Variants in ADGRB3 observed in about 807,000 individuals in gnomAD.
ADGRB3 encodes brain-specific angiogenesis inhibitor 3.
In ADGRB3, 37 loss-of-function variants were observed where a neutral mutation model predicts 193.4. The observed-to-expected ratio is 0.19, with a 90% CI of 0.15 to 0.25. ADGRB3 has a LOEUF of 0.25. Ranked by LOEUF, ADGRB3 falls within the 10% of genes least tolerant of loss-of-function variation. The pLI is 1.00. For missense variants in ADGRB3, 1,637 were observed against 1,852.9 expected (o/e 0.88, Z 2.14); for synonymous variants, 690 against 644.2 (o/e 1.07, Z -1.08).
intron 6 of ADGRB3, among the ~76,000 whole-genome samples, chr6:68,955,311 G>A (rs1582345622): frequency 6.6e-6 from 1 of 152,174 alleles, no homozygotes; most frequent in East Asian, 1.9e-4. Context: ...ACACTGCCAT[G>A]TAATTGATTT....
intron 17 of ADGRB3, among the ~76,000 whole-genome samples, chr6:69,144,002 C>G (rs1400010945): frequency 6.6e-6 from 1 of 152,106 alleles, no homozygotes; most frequent in African/African-American, 2.4e-5. Context: ...ATTGATTCTT[C>G]CAATCCATGA....
chr6:68,763,222 A>T (rs1360375400), intron 3 of ADGRB3, among the ~76,000 whole-genome samples: 1 of 151,868 alleles, frequency 6.6e-6, no homozygotes, highest in African/African-American at 2.4e-5. Flanking sequence ...TCTCGAGTAC[A>T]TGGGATTACA....
chr6:69,262,654 CAGTGG>C (rs1380398141), intron 20 of ADGRB3, among the ~76,000 whole-genome samples: 4 of 151,796 alleles, frequency 2.6e-5, no homozygotes, highest in Non-Finnish European at 4.4e-5. Context: ...TTCCAGTTAC[CAGTGG>C]TTAAAGTAAG....
intron 22 of ADGRB3, among the ~76,000 whole-genome samples, chr6:69,330,261 A>G (rs1236587904): frequency 6.6e-6 from 1 of 152,228 alleles, no homozygotes; most frequent in African/African-American, 2.4e-5. Flanking sequence ...AAAATGTTTC[A>G]ACTGCCTGAA....
chr6:68,776,186 C>T (rs1207256204), intron 3 of ADGRB3, among the ~76,000 whole-genome samples: 1 of 152,060 alleles, frequency 6.6e-6, no homozygotes, highest in African/African-American at 2.4e-5. Context: ...CAATTTTTAG[C>T]TAGGTATGAA....
At chr6:69,113,356 T>C (rs1186691400) in intron 17 of ADGRB3, among the ~76,000 whole-genome samples, 1 of 152,030 alleles carries the variant, frequency 6.6e-6, no homozygotes, top group Admixed American at 6.6e-5. Flanking sequence ...TATGTGTATA[T>C]GTATCATATA....
chr6:69,147,154 T>A (rs1477129533), intron 17 of ADGRB3, among the ~76,000 whole-genome samples: 1 of 152,170 alleles, frequency 6.6e-6, no homozygotes, highest in Non-Finnish European at 1.5e-5. Context: ...ATTTCAGCTC[T>A]GATCTTTATT....
intron 3 of ADGRB3, among the ~76,000 whole-genome samples, chr6:68,822,351 A>G (rs1163214093): frequency 6.6e-6 from 1 of 152,004 alleles, no homozygotes; most frequent in Non-Finnish European, 1.5e-5. Context: ...AATTTGATGC[A>G]TACAGGTCTA....
chr6:68,932,910 C>A, intron 4 of ADGRB3, among the ~76,000 whole-genome samples: 1 of 149,512 alleles, frequency 6.7e-6, no homozygotes. Context: ...AAACTGGCCT[C>A]TTCAATCAAT....
At chr6:68,750,625 T>C (rs1013767396) in intron 3 of ADGRB3, among the ~76,000 whole-genome samples, 8 of 152,234 alleles carry the variant, frequency 5.3e-5, no homozygotes, top group African/African-American at 1.9e-4. Context: ...CTGTTTATTC[T>C]GCAAAGACTT....
chr6:68,875,877 G>A (rs896468742), intron 3 of ADGRB3, among the ~76,000 whole-genome samples: 2 of 151,846 alleles, frequency 1.3e-5, no homozygotes, highest in Non-Finnish European at 2.9e-5. Flanking sequence ...GCCTATTAAT[G>A]TATACCATAT....
Position 68,812,647 on chromosome 6 carries a change from G to A in ADGRB3, c.758-117912G>A, listed in dbSNP as rs1245192645. 5.9e-5 allele frequency among the ~76,000 whole-genome samples: 9 copies of A among 151,930 alleles called. No homozygotes were observed. In the South Asian group the frequency reaches 1.9e-3, roughly 32 times the overall value. ...AACTGTGAATGTTGCTTCTACTAATGTACAAAGATTGCTACTGTAAGTTCT... is the reference window on the plus strand; with the variant it reads ...AACTGTGAATGTTGCTTCTACTAATATACAAAGATTGCTACTGTAAGTTCT... On this transcript the variant is annotated intron_variant, in intron 3 of 31. Coordinates refer to ENST00000370598, the MANE Select transcript of ADGRB3 (RefSeq NM_001704.3).
At chr6:68,993,537 T>C (rs540170994) in intron 10 of ADGRB3, among the ~76,000 whole-genome samples, 5 of 152,306 alleles carry the variant, frequency 3.3e-5, no homozygotes, top group African/African-American at 1.2e-4. Context: ...TAACTAGAAA[T>C]GGCAAGTTTG....
At chr6:68,849,582 TA>T (rs1368384866) in intron 3 of ADGRB3, among the ~76,000 whole-genome samples, 1 of 151,922 alleles carries the variant, frequency 6.6e-6, no homozygotes, top group Non-Finnish European at 1.5e-5. Context: ...TGCATATCCT[TA>T]AAGAATACAA....
At chr6:69,060,550 A>T (rs561166831) in intron 15 of ADGRB3, among the ~76,000 whole-genome samples, 1 of 152,092 alleles carries the variant, frequency 6.6e-6, no homozygotes, top group East Asian at 1.9e-4. Context: ...GAACTTAAAC[A>T]TAATAGAGAT....
At chr6:69,016,099 A>G (rs1770081886) in intron 12 of ADGRB3, among the ~76,000 whole-genome samples, 3 of 152,082 alleles carry the variant, frequency 2.0e-5, no homozygotes, top group African/African-American at 7.2e-5. Flanking sequence ...CCTATAATCT[A>G]TATACGGTCG....
Position 69,169,309 on chromosome 6 carries a change from A to G in ADGRB3, c.2481-63981A>G, listed in dbSNP as rs190668752. On this transcript the variant is annotated intron_variant, in intron 17 of 31. Coordinates refer to ENST00000370598, the MANE Select transcript of ADGRB3 (RefSeq NM_001704.3). ...ATCTAGCAAGTATAAAGTTCTTCACAGTATGCATGCTGTGCTCAATATAAC... is the reference window on the plus strand; with the variant it reads ...ATCTAGCAAGTATAAAGTTCTTCACGGTATGCATGCTGTGCTCAATATAAC... Among the ~76,000 whole-genome samples the G allele has an allele frequency of 1.1e-4, 17 of 152,146 alleles. No homozygotes were observed. In the East Asian group the frequency reaches 2.5e-3, roughly 22 times the overall value.
At chr6:68,758,196 G>A (rs971361270) in intron 3 of ADGRB3, among the ~76,000 whole-genome samples, 2 of 152,120 alleles carry the variant, frequency 1.3e-5, no homozygotes, top group Admixed American at 1.3e-4. Flanking sequence ...GAATATTAAT[G>A]TTTAACACAT....
intron 3 of ADGRB3, among the ~76,000 whole-genome samples, chr6:68,798,854 C>T (rs76407707): frequency 0.12 from 18,669 of 152,022 alleles, 1,978 homozygotes; most frequent in East Asian, 0.57. Flanking sequence ...GGGGACATGC[C>T]GTGGATCTCC....
Sources: gnomAD v4.1 joint callset for allele counts (sites outside exome capture counted in the v4.1 genomes callset) on GRCh38, gnomAD v4.1.1 for gene constraint, MANE v1.5 for transcripts, NCBI Gene and HGNC (gene_info 2026-07-23, HGNC 2026-07-21) for gene names.